ERICH1: variants seen among roughly 807,000 people sequenced by gnomAD.
ERICH1 encodes the protein glutamate-rich protein 1.
ERICH1 carries 56 observed loss-of-function variants against 39.6 expected under a neutral mutation model. The observed-to-expected ratio is 1.41, with a 90% confidence interval of 1.14 to 1.77. ERICH1 has a LOEUF of 1.77. ERICH1 is among the 40% of genes most tolerant of loss of function. ERICH1 has a pLI of 0.00. For synonymous variants in ERICH1, 313 were observed against 223.6 expected (o/e 1.40, Z -3.57); for missense variants, 826 against 575.4 (o/e 1.44, Z -4.45).
In ERICH1 at chr8:710,311, C is replaced by T. The variant is rs115411387; in HGVS notation, c.169+5550G>A. ...TCGGCATCATACAGGGCAGTTTCAC[C>T]GTCCTGCAAGTCCTCTGGGCTCCAC... On this transcript the variant is annotated intron_variant, in intron 2 of 5. Coordinates refer to ENST00000262109, the MANE Select transcript of ERICH1 (RefSeq NM_207332.3). Among the ~76,000 whole-genome samples the T allele has an allele frequency of 9.0e-3, 1,340 of 149,020 alleles. 23 individuals carry two copies. Among genetic ancestry groups the T allele is most frequent in the African/African-American group, 0.031 (1,240 of 40,402 alleles).
chr8:631,854 C>A (rs915307201), intron 3 of ERICH1, among the ~76,000 whole-genome samples: 2 of 152,198 alleles, frequency 1.3e-5, no homozygotes, highest in South Asian at 2.1e-4. Flanking sequence ...CGCCCCCCGA[C>A]CCCCGCCCCA....
intron 3 of ERICH1, among the ~76,000 whole-genome samples, chr8:630,048 C>G (rs1387080376): frequency 4.7e-4 from 35 of 74,086 alleles, no homozygotes; most frequent in Non-Finnish European, 8.2e-4. Context: ...ACCACCCACA[C>G]AGACAGAGCT....
intron 3 of ERICH1, among the ~76,000 whole-genome samples, chr8:636,646 T>A (rs1370051219): frequency 5.3e-5 from 8 of 152,220 alleles, no homozygotes; most frequent in Admixed American, 3.9e-4. Context: ...ACAGGACACC[T>A]ACAACAAAAG....
chr8:707,236 ATC>A (rs1472248513), intron 2 of ERICH1, among the ~76,000 whole-genome samples: 2 of 137,680 alleles, frequency 1.5e-5, no homozygotes, highest in Admixed American at 7.9e-5. Context: ...TAGACAGAGT[ATC>A]ACTCTATCAC....
chr8:615,517 G>C (rs1001064743), intron 3 of ERICH1: 3 of 431,748 alleles, frequency 6.9e-6, no homozygotes, highest in Non-Finnish European at 1.2e-5. Context: ...CCTGCAAAGG[G>C]AAGGCTCAGA....
At chr8:656,706 G>A (rs1481903083) in intron 3 of ERICH1, 3 of 972,892 alleles carry the variant, frequency 3.1e-6, no homozygotes, top group Non-Finnish European at 3.7e-6. Flanking sequence ...TTCACGCTGT[G>A]TCTTTCCTGC....
intron 3 of ERICH1, among the ~76,000 whole-genome samples, chr8:642,930 G>A (rs886835437): frequency 6.6e-6 from 1 of 152,214 alleles, no homozygotes; most frequent in Non-Finnish European, 1.5e-5. Context: ...ACGGGAGACT[G>A]CAGCCTCCTG....
In ERICH1 at chr8:664,575, G is replaced by A. The variant is rs200656329; in HGVS notation, c.*28C>T. ...GTCTTTTAAGTTTTTTTGTTAAAGA[G>A]GAGCTGTTCTTAAAGAGATATTCCA... On this transcript the variant is annotated 3_prime_UTR_variant, in exon 6 of 6. Coordinates refer to ENST00000262109, the MANE Select transcript of ERICH1 (RefSeq NM_207332.3). 3 of 1,583,514 alleles carry A rather than the reference G, an allele frequency of 1.9e-6. No homozygotes were observed. The highest frequency in any genetic ancestry group is 2.6e-6 in the Non-Finnish European group (3 of 1,167,218).
chr8:678,354 C>G (rs190958809), intron 3 of ERICH1, among the ~76,000 whole-genome samples: 90 of 152,254 alleles, frequency 5.9e-4, no homozygotes, highest in African/African-American at 2.1e-3. Context: ...TGAAAGGATA[C>G]TGCACACAAC....
At chr8:699,484 C>T (rs976411905) in intron 2 of ERICH1, among the ~76,000 whole-genome samples, 2 of 152,182 alleles carry the variant, frequency 1.3e-5, no homozygotes, top group Non-Finnish European at 2.9e-5. Context: ...AACAATGCTG[C>T]CTGGTATCTC....
chr8:692,621 C>G lies in ERICH1; in HGVS notation c.170-9G>C. 2 of 1,567,462 alleles carry G rather than the reference C, an allele frequency of 1.3e-6. No individual in the cohort carries two copies. Among genetic ancestry groups the G allele is most frequent in the African/African-American group, 2.7e-5 (2 of 72,972 alleles). The stretch of plus-strand genomic sequence containing the variant: ...GGTCTCAGAGCCAGTGTCTGCAACA[C>G]AGGAGGAAAATAACAGGAACTGGTA... On this transcript the variant is annotated splice_polypyrimidine_tract_variant and intron_variant, in intron 2 of 5. Coordinates refer to ENST00000262109, the MANE Select transcript of ERICH1 (RefSeq NM_207332.3).
intron 3 of ERICH1, chr8:686,684 A>C (rs769842318): frequency 6.6e-6 from 1 of 152,274 alleles, no homozygotes; most frequent in African/African-American, 2.4e-5. Context: ...CCCAGGATGC[A>C]TGAGACCTCC....
chr8:648,047 C>A (rs192644168), intron 3 of ERICH1, among the ~76,000 whole-genome samples: 3 of 67,576 alleles, frequency 4.4e-5, no homozygotes, highest in Non-Finnish European at 9.1e-5. Flanking sequence ...AACGACAGCA[C>A]GTCAGACAGC....
intron 2 of ERICH1, among the ~76,000 whole-genome samples, chr8:710,111 A>T (rs577827305): frequency 9.9e-5 from 15 of 152,166 alleles, no homozygotes; most frequent in Non-Finnish European, 2.1e-4. Context: ...TATAATCAAT[A>T]AACCTACGCT....
At chr8:699,378 C>A (rs12156415) in intron 2 of ERICH1, among the ~76,000 whole-genome samples, 1 of 152,020 alleles carries the variant, frequency 6.6e-6, no homozygotes, top group Non-Finnish European at 1.5e-5. Flanking sequence ...CCTGGTACCA[C>A]GACATTTCAA....
At chr8:659,820 C>CACTGGCA (rs1801144820), downstream of ERICH1, among the ~76,000 whole-genome samples, 1 of 57,854 alleles carries the variant, frequency 1.7e-5, no homozygotes, top group Non-Finnish European at 3.5e-5. Context: ...TCGAGATCTC[C>CACTGGCA]GGTGTGCACT....
rs896262218 is a variant in ERICH1 at position 670,627 on chromosome 8, G to T, written c.1064-1835C>A. 7.9e-5 allele frequency among the ~76,000 whole-genome samples: 12 copies of T among 152,284 alleles called. No individual in the cohort carries two copies. The East Asian group carries it at 2.3e-3, about 29-fold the overall frequency. On this transcript the variant is annotated intron_variant, in intron 4 of 5. Transcript: ENST00000262109. Reference sequence around the variant, plus strand: ...CTCATCTCATCAGCACCTCAAGATGGCCAAGAGGCTCCTATGTTATTCGGA... The same window carrying T: ...CTCATCTCATCAGCACCTCAAGATGTCCAAGAGGCTCCTATGTTATTCGGA...
intron 2 of ERICH1, among the ~76,000 whole-genome samples, chr8:706,782 C>G (rs2132256937): frequency 6.6e-6 from 1 of 152,158 alleles, no homozygotes; most frequent in Non-Finnish European, 1.5e-5. Context: ...AAAACAACAA[C>G]AACAACAAAA....
intron 3 of ERICH1, among the ~76,000 whole-genome samples, chr8:683,706 C>T (rs1032755001): frequency 4.6e-5 from 7 of 152,184 alleles, no homozygotes; most frequent in African/African-American, 1.7e-4. Flanking sequence ...TGGGCTAAAA[C>T]ACAACAATCT....
Sources: gnomAD v4.1 joint callset for allele counts (sites outside exome capture counted in the v4.1 genomes callset) on GRCh38, gnomAD v4.1.1 for gene constraint, MANE v1.5 for transcripts, NCBI Gene and HGNC (gene_info 2026-07-23, HGNC 2026-07-21) for gene names.